Variants in ADGRL2 observed in about 807,000 individuals in gnomAD.
ADGRL2 encodes adhesion G protein-coupled receptor L2.
A neutral mutation model predicts 157.4 loss-of-function variants in ADGRL2; 44 were observed. The ratio of observed to expected loss-of-function variants is 0.28; its 90% CI spans 0.22 to 0.36. The LOEUF (loss-of-function observed/expected upper bound fraction) is 0.36. Among genes scored for constraint, ADGRL2 ranks in the 10% least tolerant of loss-of-function variants. The probability of loss-of-function intolerance (pLI) is 1.00; values close to 1 mark genes in which losing one functional copy is unlikely to be tolerated. For synonymous variants in ADGRL2, 585 were observed against 624.7 expected, an observed-to-expected ratio of 0.94 and a Z score of 0.95; for missense variants, 1,510 against 1,768.9, an observed-to-expected ratio of 0.85 and a Z score of 2.63.
At chr1:81,737,438 C>T (rs576918966) in intron 1 of ADGRL2, among the ~76,000 whole-genome samples, 51 of 152,258 alleles carry the variant, frequency 3.3e-4, no homozygotes, top group African/African-American at 8.9e-4. Context: ...AATTCACCAT[C>T]ATAAGAATAA....
At chr1:81,499,676 A>C (rs1022696637) in intron 2 of ADGRL2, among the ~76,000 whole-genome samples, 1 of 152,338 alleles carries the variant, frequency 6.6e-6, no homozygotes, top group African/African-American at 2.4e-5. Flanking sequence ...AAAAGTTAAA[A>C]GAGTTATATT....
intron 3 of ADGRL2, among the ~76,000 whole-genome samples, chr1:81,694,737 G>A (rs1402984489): frequency 1.3e-5 from 2 of 151,962 alleles, no homozygotes; most frequent in African/African-American, 2.4e-5. Context: ...AGTGAGGTTC[G>A]TCTTCCCATT....
intron 1 of ADGRL2, among the ~76,000 whole-genome samples, chr1:81,703,213 A>T (rs866148877): frequency 1.3e-4 from 20 of 152,328 alleles, no homozygotes; most frequent in African/African-American, 4.6e-4. Context: ...ATAATTGAAG[A>T]TAGCAAATGT....
chr1:81,572,700 G>A (rs1313326401), intron 2 of ADGRL2, among the ~76,000 whole-genome samples: 3 of 151,920 alleles, frequency 2.0e-5, no homozygotes, highest in African/African-American at 7.3e-5. Context: ...TTACTAAAGT[G>A]GTTTAAGGAG....
At chr1:81,557,449 G>GAAAA (rs1553123661) in intron 2 of ADGRL2, 4 of 44,652 alleles carry the variant, frequency 9.0e-5, no homozygotes, top group Admixed American at 4.6e-4. Flanking sequence ...GAAAGAAAGA[G>GAAAA]AGAAAGAAAG....
chr1:81,993,224 G>A lies in ADGRL2; in HGVS notation c.*2079G>A, dbSNP rs1664921128. Among the ~76,000 whole-genome samples, 1 of 145,978 alleles carries A rather than the reference G, an allele frequency of 6.9e-6. No homozygotes were observed. On this transcript the variant is annotated 3_prime_UTR_variant, in exon 24 of 24. Transcript: ENST00000686636. Reference sequence around the variant, plus strand: ...TCTCAAACAGATTTAACAATCCTCTGAGAATGGTACTCATTTATTTGGCTA... The same window carrying A: ...TCTCAAACAGATTTAACAATCCTCTAAGAATGGTACTCATTTATTTGGCTA...
intron 1 of ADGRL2, among the ~76,000 whole-genome samples, chr1:81,343,887 G>A (rs552780863): frequency 6.6e-6 from 1 of 152,222 alleles, no homozygotes; most frequent in African/African-American, 2.4e-5. Flanking sequence ...TAATACATTT[G>A]GGAGTGGGAC....
upstream of ADGRL2, among the ~76,000 whole-genome samples, chr1:81,695,530 G>C (rs2083424918): frequency 6.6e-6 from 1 of 152,080 alleles, no homozygotes; most frequent in African/African-American, 2.4e-5. Context: ...TTTGAGAATT[G>C]AGTATGAGGC....
chr1:81,382,358 G>A (rs1298454449), intron 1 of ADGRL2, among the ~76,000 whole-genome samples: 1 of 152,088 alleles, frequency 6.6e-6, no homozygotes, highest in African/African-American at 2.4e-5. Flanking sequence ...ATTGCTATTT[G>A]AGTTTAAAAT....
chr1:81,950,345 CA>C lies in ADGRL2; in HGVS notation c.1369del (p.Thr457ProfsTer6). 6.2e-7 allele frequency: 1 copy of C among 1,614,094 alleles called. No homozygotes were observed. The highest frequency in any genetic ancestry group is 8.5e-7 in the Non-Finnish European group (1 of 1,179,968). On this transcript the variant is annotated frameshift_variant, in exon 7 of 24. Transcript: ENST00000686636. LOFTEE classifies it high-confidence loss of function. ...KGTKPPPAVS[T>X]TKIPPITNIF... The stretch of plus-strand genomic sequence containing the variant: ...ACAAAACCACCTCCAGCAGTTTCTA[CA>C]ACCAAAATTCCACCTATAACAAATA...
chr1:81,725,203 C>CA (rs71592739), intron 1 of ADGRL2, among the ~76,000 whole-genome samples: 29,712 of 77,028 alleles, frequency 0.39, 4,294 homozygotes, highest in Non-Finnish European at 0.44. Flanking sequence ...GACCCCGTCT[C>CA]AAAAAAAAAA....
At chr1:81,841,481 A>G (rs1253165720) in intron 2 of ADGRL2, among the ~76,000 whole-genome samples, 1 of 152,206 alleles carries the variant, frequency 6.6e-6, no homozygotes, top group Non-Finnish European at 1.5e-5. Flanking sequence ...TTTCTGGCAT[A>G]TAGATATTTC....
intron 3 of ADGRL2, among the ~76,000 whole-genome samples, chr1:81,589,170 G>A (rs2081084035): frequency 1.3e-5 from 2 of 152,132 alleles, no homozygotes; most frequent in African/African-American, 4.8e-5. Context: ...CTGTAACTGG[G>A]CTAGCATGTG....
chr1:81,841,650 C>A (rs1420469275), intron 2 of ADGRL2, among the ~76,000 whole-genome samples: 1 of 152,152 alleles, frequency 6.6e-6, no homozygotes, highest in South Asian at 2.1e-4. Context: ...TACATATATA[C>A]ACATATTTGT....
At chr1:81,630,102 T>A (rs2081984636) in intron 3 of ADGRL2, among the ~76,000 whole-genome samples, 3 of 152,008 alleles carry the variant, frequency 2.0e-5, no homozygotes, top group African/African-American at 7.3e-5. Flanking sequence ...ATATATCTAG[T>A]GTTTTAGGAC....
At chr1:81,577,291 C>T (rs2080817114) in intron 2 of ADGRL2, among the ~76,000 whole-genome samples, 1 of 152,190 alleles carries the variant, frequency 6.6e-6, no homozygotes, top group Non-Finnish European at 1.5e-5. Context: ...CCACACTCAC[C>T]ATTGAGATGC....
chr1:81,820,862 G>A (rs1324665427), intron 1 of ADGRL2, among the ~76,000 whole-genome samples: 3 of 152,064 alleles, frequency 2.0e-5, no homozygotes, highest in African/African-American at 7.2e-5. Flanking sequence ...TAACCACACA[G>A]AAAACATGCA....
intron 3 of ADGRL2, among the ~76,000 whole-genome samples, chr1:81,645,396 CAAAA>C (rs374061248): frequency 0.16 from 15,065 of 94,736 alleles, 946 homozygotes; most frequent in Middle Eastern, 0.22. Context: ...GATCCTGTCT[CAAAA>C]AAAAAAAAAA....
At chr1:81,973,956 T>C (rs571006087) in intron 17 of ADGRL2, among the ~76,000 whole-genome samples, 2 of 152,286 alleles carry the variant, frequency 1.3e-5, no homozygotes, top group African/African-American at 2.4e-5. Flanking sequence ...TATATATATC[T>C]TCCCTCTGGT....
Sources: gnomAD v4.1 joint callset for allele counts (sites outside exome capture counted in the v4.1 genomes callset) on GRCh38, gnomAD v4.1.1 for gene constraint, MANE v1.5 for transcripts, NCBI Gene and HGNC (gene_info 2026-07-23, HGNC 2026-07-21) for gene names.